TNFSF11: variants seen among roughly 807,000 people sequenced by gnomAD.
TNFSF11 encodes the protein TNF superfamily member 11.
In TNFSF11, 12 loss-of-function variants were observed where a neutral mutation model predicts 32.2. That is an observed-to-expected ratio of 0.37 (90% confidence interval 0.24 to 0.60). The LOEUF (loss-of-function observed/expected upper bound fraction) is 0.60. TNFSF11 is among the 20% of genes least tolerant of loss of function. TNFSF11 has a pLI of 0.66. For missense variants in TNFSF11, 345 were observed against 398.0 expected (o/e 0.87, Z 1.13); for synonymous variants, 172 against 152.1 (o/e 1.13, Z -0.96).
chr13:42,600,902 G>A lies in TNFSF11; in HGVS notation c.453G>A (p.Trp151Ter). The change falls in exon 4 of 5, where the codon TGG (tryptophan) becomes TGA (stop). Residue 151 changes from tryptophan to a stop codon, truncating the protein, a stop_gained. Coordinates refer to ENST00000398795, the MANE Select transcript of TNFSF11 (RefSeq NM_003701.4). LOFTEE classifies it high-confidence loss of function. ...CTCCAGCGATGGTGGATGGCTCATG[G>A]TTAGATCTGGCCAAGAGGAGCAAGC... ...RAEKAMVDGS[W>*]LDLAKRSKLE... 1 of 1,614,058 alleles carries A rather than the reference G, an allele frequency of 6.2e-7. No homozygotes were observed. Among genetic ancestry groups the A allele is most frequent in the Non-Finnish European group, 8.5e-7 (1 of 1,179,990 alleles).
In TNFSF11 at chr13:42,581,189, G is replaced by A. The variant is rs551013307; in HGVS notation, c.283G>A (p.Glu95Lys). 1 of 1,614,096 alleles carries A rather than the reference G, an allele frequency of 6.2e-7. No homozygotes were observed. The highest frequency in any genetic ancestry group is 2.2e-5 in the East Asian group (1 of 44,878). ...HCIYRILRLH[E>K]NADFQDTTLE... ...CATTTATAGAATTTTGAGACTCCAT[G>A]AAAATGCAGATTTTCAAGACACAAC... is the stretch of plus-strand genomic sequence containing the variant. The change falls in exon 2 of 5, where the codon GAA (glutamate) becomes AAA (lysine). Residue 95 changes from glutamate (E) to lysine (K), a missense_variant. By Grantham distance (56) the Glu-to-Lys change is moderately conservative. Coordinates refer to ENST00000398795, the MANE Select transcript of TNFSF11 (RefSeq NM_003701.4).
chr13:42,574,322 G>C lies in TNFSF11; in HGVS notation c.19G>C (p.Asp7His). MRRASR[D>H]YTKYLRGSEE... The stretch of plus-strand genomic sequence containing the variant: ...GAGCGCCATGCGCCGCGCCAGCAGA[G>C]ACTACACCAAGTACCTGCGTGGCTC... Residue 7 changes from aspartate (D) to histidine (H), a missense_variant, in exon 1 of 5, where the codon GAC becomes CAC. Physicochemically the swap from Asp to His is moderately conservative, Grantham distance 81 (BLOSUM62 -1). This residue lies in a region of TNFSF11 where 197 missense variants were observed against 182.0 expected (regional missense o/e 1.08). Transcript: ENST00000398795. The C allele has an allele frequency of 6.5e-7, 1 of 1,545,004 alleles. No individual in the cohort carries two copies. Among genetic ancestry groups the C allele is most frequent in the Non-Finnish European group, 8.7e-7 (1 of 1,145,682 alleles).
intron 2 of TNFSF11, among the ~76,000 whole-genome samples, chr13:42,593,079 A>G (rs1208391098): frequency 1.3e-5 from 2 of 152,192 alleles, no homozygotes; most frequent in Non-Finnish European, 2.9e-5. Context: ...TAATCACATG[A>G]CCGGTCCCTC....
At position 42,600,837 on chromosome 13, in the gene TNFSF11, G is replaced by T. The variant is rs777851201; in HGVS notation, c.433+40G>T. ...ATACATCTGTATGAAATCCCACAGG[G>T]TCACTACTATTTTGGCTATAATAAT... On this transcript the variant is annotated intron_variant, in intron 3 of 4. Transcript: ENST00000398795. 12 of 1,613,914 alleles carry T rather than the reference G, an allele frequency of 7.4e-6. No homozygotes were observed. The Admixed American group carries it at 8.3e-5, about 11-fold the overall frequency.
In TNFSF11 at chr13:42,565,434, G is replaced by C. The variant is rs1232035273; in HGVS notation, c.-301-1187G>C. Among the ~76,000 whole-genome samples the C allele has an allele frequency of 1.3e-5, 2 of 151,944 alleles. 1 individual carries two copies. The highest frequency in any genetic ancestry group is 6.3e-3 in the Middle Eastern group (2 of 316). ...ATGTTACTACAACATTTGCCTTAGA[G>C]TGTAAGCTTTGTGGGGACAACAATT... On this transcript the variant is annotated intron_variant, in intron 1 of 6. Transcript: ENST00000358545.
intron 1 of TNFSF11, among the ~76,000 whole-genome samples, chr13:42,579,415 C>CA (rs34345592): frequency 0.55 from 62,061 of 112,556 alleles, 15,927 homozygotes; most frequent in East Asian, 0.79. Context: ...ACCCTGTCTT[C>CA]AAAAAAAAAA....
intron 2 of TNFSF11, among the ~76,000 whole-genome samples, chr13:42,586,032 T>G (rs1180310150): frequency 6.6e-6 from 1 of 152,276 alleles, no homozygotes; most frequent in Non-Finnish European, 1.5e-5. Flanking sequence ...TGTATATGTA[T>G]TTTTTAATAT....
chr13:42,577,773 C>T (rs189572319), intron 1 of TNFSF11, among the ~76,000 whole-genome samples: 10 of 152,202 alleles, frequency 6.6e-5, no homozygotes, highest in Admixed American at 6.5e-5. Flanking sequence ...ACACAGATAA[C>T]GAAGTAGCAC....
At chr13:42,602,839 T>C (rs1869252178) in intron 4 of TNFSF11, among the ~76,000 whole-genome samples, 1 of 152,254 alleles carries the variant, frequency 6.6e-6, no homozygotes, top group Non-Finnish European at 1.5e-5. Context: ...ATGATAAATA[T>C]TGCATTAGAC....
intron 1 of TNFSF11, among the ~76,000 whole-genome samples, chr13:42,563,481 G>C (rs1872756023): frequency 6.6e-6 from 1 of 152,050 alleles, no homozygotes; most frequent in Admixed American, 6.5e-5. Flanking sequence ...TTGCCAACAT[G>C]GTAAAACCTT....
At chr13:42,598,480 A>G (rs775156363) in intron 2 of TNFSF11, among the ~76,000 whole-genome samples, 4 of 152,362 alleles carry the variant, frequency 2.6e-5, no homozygotes, top group Admixed American at 1.3e-4. Flanking sequence ...AGGAAGGTCT[A>G]TTCCCTAAGG....
At chr13:42,571,058 G>C (rs968754821), upstream of TNFSF11, among the ~76,000 whole-genome samples, 5 of 152,092 alleles carry the variant, frequency 3.3e-5, no homozygotes, top group African/African-American at 1.2e-4. Flanking sequence ...TTCTAGCCCA[G>C]TGCTGGCATA....
At chr13:42,598,134 A>G (rs1274134440) in intron 2 of TNFSF11, among the ~76,000 whole-genome samples, 2 of 152,216 alleles carry the variant, frequency 1.3e-5, no homozygotes, top group East Asian at 1.9e-4. Context: ...AGCATGAGCC[A>G]TCATGCCTGG....
intron 1 of TNFSF11, among the ~76,000 whole-genome samples, chr13:42,566,339 G>T (rs1337721650): frequency 6.6e-6 from 1 of 152,122 alleles, no homozygotes; most frequent in Non-Finnish European, 1.5e-5. Flanking sequence ...CTAATAATCT[G>T]ACATATCCAG....
chr13:42,594,395 T>C (rs991833679), intron 2 of TNFSF11, among the ~76,000 whole-genome samples: 2 of 152,072 alleles, frequency 1.3e-5, no homozygotes, highest in African/African-American at 4.8e-5. Context: ...TTTATATTAC[T>C]TTGTAAGTTG....
At chr13:42,575,591 G>T (rs891400102) in intron 1 of TNFSF11, among the ~76,000 whole-genome samples, 1 of 152,114 alleles carries the variant, frequency 6.6e-6, no homozygotes, top group Non-Finnish European at 1.5e-5. Context: ...GGATTGTATG[G>T]TTTTTTGACA....
At chr13:42,606,302 T>G (rs1158968126) in intron 4 of TNFSF11, among the ~76,000 whole-genome samples, 195 bp from the exon 5 acceptor site, 1 of 152,258 alleles carries the variant, frequency 6.6e-6, no homozygotes, top group Non-Finnish European at 1.5e-5. Context: ...CTTCGTAGCC[T>G]CTACTGTGCC....
chr13:42,574,210 C>G lies in TNFSF11; in HGVS notation c.-94C>G. 1.3e-6 allele frequency: 2 copies of G among 1,489,094 alleles called. No individual in the cohort carries two copies. The highest frequency in any genetic ancestry group is 1.8e-6 in the Non-Finnish European group (2 of 1,098,428). 92.2% of individuals were successfully genotyped at this position (1,489,094 alleles called of 1,614,324 possible). On this transcript the variant is annotated 5_prime_UTR_variant, in exon 1 of 5. Transcript: ENST00000398795. ...CGGGCTCCAAGTCGGCGCCCCACGT[C>G]GAGGCTCCGCCGCAGCCTCCGGAGT...
intron 1 of TNFSF11, among the ~76,000 whole-genome samples, chr13:42,578,332 G>A (rs753857726): frequency 4.2e-4 from 64 of 152,272 alleles, no homozygotes; most frequent in Middle Eastern, 6.8e-3. Context: ...CTCCCTCCCT[G>A]CTCTGCAGTT....
Sources: allele counts gnomAD v4.1 joint callset (sites outside exome capture counted in the v4.1 genomes callset), GRCh38; gene constraint gnomAD v4.1.1; regional missense constraint gnomAD v4.1.1; transcripts MANE v1.5; gene names NCBI Gene and HGNC (gene_info 2026-07-23, HGNC 2026-07-21).